The following GDF9 variants were observed in gnomAD, a reference collection of about 807,000 sequenced individuals.
GDF9 encodes the protein growth/differentiation factor 9.
A neutral mutation model predicts 33.8 loss-of-function variants in GDF9; 30 were observed. The observed-to-expected ratio is 0.89, with a 90% CI of 0.66 to 1.20. The LOEUF is 1.20. Ranked by LOEUF, GDF9 falls within the 50% of genes most tolerant of loss-of-function variation. The probability of loss-of-function intolerance (pLI) is 0.00; values close to 1 mark genes in which losing one functional copy is unlikely to be tolerated. For synonymous variants in GDF9, 205 were observed against 200.7 expected (o/e 1.02, Z -0.18); for missense variants, 556 against 543.7 (o/e 1.02, Z -0.22).
chr5:132,862,916 C>T (rs551492711), intron 1 of GDF9, among the ~76,000 whole-genome samples: 1 of 152,310 alleles, frequency 6.6e-6, no homozygotes, highest in East Asian at 1.9e-4. Context: ...GCAGCCTCAA[C>T]CTCCCAGGTG....
chr5:132,862,644 G>T, intron 1 of GDF9, 88 bp from the exon 2 acceptor site: 1 of 962,648 alleles, frequency 1.0e-6, no homozygotes, highest in Non-Finnish European at 1.6e-6. Context: ...TTCATAATAT[G>T]CTTTCTCCCT....
chr5:132,865,548 C>T lies in GDF9; in HGVS notation c.-1015G>A, dbSNP rs1306189064. 2 of 152,158 alleles carry T rather than the reference C, an allele frequency of 1.3e-5. No individual in the cohort carries two copies. The highest frequency in any genetic ancestry group is 1.9e-4 in the East Asian group (1 of 5,176). 9.4% of individuals were successfully genotyped at this position (152,158 alleles called of 1,614,324 possible). On this transcript the variant is annotated 5_prime_UTR_variant, in exon 1 of 2. Transcript: ENST00000687138. ...GAAATGAGGGGATATTCAGCGCCAC[C>T]CCGAAGGAGACTATGCTGGAAGAGT...
In GDF9 at chr5:132,864,513, G is replaced by T. The variant is rs1239409384; in HGVS notation, c.21C>A (p.Phe7Leu). 1 of 1,609,432 alleles carries T rather than the reference G, an allele frequency of 6.2e-7. No homozygotes were observed. The highest frequency in any genetic ancestry group is 1.1e-5 in the South Asian group (1 of 91,076). ...AGGCAAAGCAGCAAAACCAAAGGAG[G>T]AATTTGTTGGGACGTGCCATGGCTT... MARPNKFLLWFCCFAWL... is the reference protein window; with the variant it reads MARPNKLLLWFCCFAWL... The change falls in exon 1 of 2, where the codon TTC (phenylalanine) becomes TTA (leucine). Residue 7 changes from phenylalanine to leucine, a missense_variant. By Grantham distance (22) the Phe-to-Leu change is conservative. Coordinates refer to ENST00000687138, the MANE Select transcript of GDF9 (RefSeq NM_005260.7).
At position 132,862,170 on chromosome 5, in the gene GDF9, A is replaced by AG; in HGVS notation, c.783dup (p.Ser262LeufsTer8). ...GTGTCATTCAAATATAAGATCAGTG[A>AG]GGGGGACACCAGAGTCATGTTAAAC... On this transcript the variant is annotated frameshift_variant, in exon 2 of 2. Coordinates refer to ENST00000687138, the MANE Select transcript of GDF9 (RefSeq NM_005260.7). LOFTEE classifies it high-confidence loss of function. 1.2e-6 allele frequency: 2 copies of AG among 1,613,448 alleles called. No individual in the cohort carries two copies. Among genetic ancestry groups the AG allele is most frequent in the Non-Finnish European group, 1.7e-6 (2 of 1,179,356 alleles).
rs922115028 is a variant in GDF9 at position 132,866,191 on chromosome 5, G to A, written c.-1658C>T. The A allele has an allele frequency of 3.3e-5, 5 of 152,712 alleles. No homozygotes were observed. The highest frequency in any genetic ancestry group is 5.8e-5 in the Non-Finnish European group (4 of 68,418). The allele number at this position is 152,712 out of a possible 1,614,324, so 9.5% of individuals were successfully genotyped here. A position where few individuals can be genotyped will look rare whatever the true frequency, so the allele number is the denominator to read the frequency against. ...ACTGGCCAAGGCCAAATGAAACCTC[G>A]TGCTCCTCTGCTGTGGGGCGGCCCG... On this transcript the variant is annotated 5_prime_UTR_variant, in exon 1 of 2. In the 5' UTR this introduces an upstream ATG that the reference lacks. Transcript: ENST00000687138.
chr5:132,864,852 G>T lies in GDF9; in HGVS notation c.-319C>A. The T allele has an allele frequency of 3.2e-6, 1 of 310,812 alleles. No individual in the cohort carries two copies. The highest frequency in any genetic ancestry group is 5.9e-6 in the Non-Finnish European group (1 of 168,206). 19.3% of individuals were successfully genotyped at this position (310,812 alleles called of 1,614,324 possible). ...ACTAACTATGTAGCTGAAAGTCTAA[G>T]ATAAATTGAGGAATGATCTTAAATA... On this transcript the variant is annotated 5_prime_UTR_variant, in exon 1 of 2. Coordinates refer to ENST00000687138, the MANE Select transcript of GDF9 (RefSeq NM_005260.7).
At position 132,864,217 on chromosome 5, in the gene GDF9, T is replaced by C. The variant is rs1759449159; in HGVS notation, c.317A>G (p.Asn106Ser). 10 of 1,614,214 alleles carry C rather than the reference T, an allele frequency of 6.2e-6. No individual in the cohort carries two copies. In the East Asian group the frequency reaches 1.8e-4, roughly 29 times the overall value. The change falls in exon 1 of 2, where the codon AAT becomes AGT. Residue 106 changes from asparagine (N) to serine (S), a missense_variant. Physicochemically the swap from Asn to Ser is conservative, Grantham distance 46. Coordinates refer to ENST00000687138, the MANE Select transcript of GDF9 (RefSeq NM_005260.7). ...AACAGTGTTGTAGAGGTGACTTCTA[T>C]TGGATTTAGGAATCCCTTCCTTGGT... ...YATKEGIPKS[N>S]RSHLYNTVRL...
intron 1 of GDF9, 125 bp from the exon 2 acceptor site, chr5:132,862,681 CA>C (rs373936085): frequency 0.018 from 9,132 of 517,658 alleles, 1 homozygote; most frequent in East Asian, 0.029. Context: ...TCTCAAGCCT[CA>C]AAAAAAAAAA....
Position 132,864,559 on chromosome 5 carries a change from T to A in GDF9, c.-26A>T, listed in dbSNP as rs750417449. 2 of 1,600,226 alleles carry A rather than the reference T, an allele frequency of 1.2e-6. No homozygotes were observed. Among genetic ancestry groups the A allele is most frequent in the African/African-American group, 2.7e-5 (2 of 74,876 alleles). On this transcript the variant is annotated 5_prime_UTR_variant, in exon 1 of 2. It removes an upstream start codon present in the reference 5' UTR. Coordinates refer to ENST00000687138, the MANE Select transcript of GDF9 (RefSeq NM_005260.7). ...GGCTTGGGAGAACTAGTGAGGAACA[T>A]ATTTCTCCATGCCAGTCCTCTTCCT...
Position 132,861,435 on chromosome 5 carries a change from G to T in GDF9, c.*154C>A. 1 of 699,762 alleles carries T rather than the reference G, an allele frequency of 1.4e-6. No homozygotes were observed. The highest frequency in any genetic ancestry group is 2.5e-5 in the East Asian group (1 of 40,246). The allele number at this position is 699,762 out of a possible 1,614,324, so 43.3% of individuals were successfully genotyped here. A position where few individuals can be genotyped will look rare whatever the true frequency, so the allele number is the denominator to read the frequency against. On this transcript the variant is annotated 3_prime_UTR_variant, in exon 2 of 2. Transcript: ENST00000687138. ...TTGATGTTATCCCTTTATCCTGATA[G>T]ATGCCATAGAAGGTACTAACCTACA...
chr5:132,864,543 G>T lies in GDF9; in HGVS notation c.-10C>A. The stretch of plus-strand genomic sequence containing the variant: ...TGTTGGGACGTGCCATGGCTTGGGA[G>T]AACTAGTGAGGAACATATTTCTCCA... On this transcript the variant is annotated 5_prime_UTR_variant, in exon 1 of 2. Coordinates refer to ENST00000687138, the MANE Select transcript of GDF9 (RefSeq NM_005260.7). The T allele has an allele frequency of 6.2e-7, 1 of 1,602,892 alleles. No homozygotes were observed.
intron 1 of GDF9, among the ~76,000 whole-genome samples, chr5:132,863,860 A>T (rs974122258): frequency 2.0e-5 from 3 of 152,214 alleles, no homozygotes; most frequent in Admixed American, 6.5e-5. Flanking sequence ...GAACAGAAAG[A>T]GGTGCTAACA....
rs761691701 is a variant in GDF9 at position 132,864,105 on chromosome 5, T to G, written c.397+32A>C. On this transcript the variant is annotated intron_variant, in intron 1 of 1. Transcript: ENST00000687138. ...ATGCAGAAGTGTCTATCATCTTCCCTCCACCCAGTTAACCAATCTGCTTTC... is the reference window on the plus strand; with the variant it reads ...ATGCAGAAGTGTCTATCATCTTCCCGCCACCCAGTTAACCAATCTGCTTTC... The G allele has an allele frequency of 1.5e-5, 24 of 1,609,212 alleles. No homozygotes were observed. In the African/African-American group the frequency reaches 2.8e-4, roughly 19 times the overall value.
At position 132,862,265 on chromosome 5, in the gene GDF9, C is replaced by T. The variant is rs1021022494; in HGVS notation, c.689G>A (p.Ser230Asn). 2 of 1,613,646 alleles carry T rather than the reference C, an allele frequency of 1.2e-6. No homozygotes were observed. Among genetic ancestry groups the T allele is most frequent in the Admixed American group, 3.3e-5 (2 of 60,028 alleles). ...AGTAAAATTTATAGACATGTGAATACTTCTCTTGTTGGAGGCCACTAAAGG... is the reference window on the plus strand; with the variant it reads ...AGTAAAATTTATAGACATGTGAATATTTCTCTTGTTGGAGGCCACTAAAGG... The part of the protein sequence containing the change: ...LQPLVASNKR[S>N]IHMSINFTCM... The change falls in exon 2 of 2, where the codon AGT (serine) becomes AAT (asparagine). Residue 230 changes from serine (S) to asparagine (N), a missense_variant. By Grantham distance (46) the Ser-to-Asn change is conservative. Coordinates refer to ENST00000687138, the MANE Select transcript of GDF9 (RefSeq NM_005260.7).
chr5:132,862,373 G>A lies in GDF9; in HGVS notation c.581C>T (p.Pro194Leu), dbSNP rs1480740291. The A allele has an allele frequency of 6.2e-7, 1 of 1,613,714 alleles. No homozygotes were observed. Among genetic ancestry groups the A allele is most frequent in the African/African-American group, 1.3e-5 (1 of 74,932 alleles). Residue 194 changes from proline to leucine, a missense_variant, in exon 2 of 2, where the codon CCA becomes CTA. Pro to Leu is a moderately conservative substitution (Grantham distance 98, BLOSUM62 -3). Transcript: ENST00000687138. ...KSSSRTLGRA[P>L]YSFTFNSQFE... The stretch of plus-strand genomic sequence containing the variant: ...CTGTGAGTTAAAGGTAAATGAGTAT[G>A]GAGCTCTGCCGAGAGTCCTGCTAGA...
chr5:132,861,433 T>C lies in GDF9; in HGVS notation c.*156A>G, dbSNP rs565791851. The C allele has an allele frequency of 8.4e-4, 584 of 696,642 alleles. No individual in the cohort carries two copies. The highest frequency in any genetic ancestry group is 1.3e-3 in the Non-Finnish European group (517 of 387,888). The allele number at this position is 696,642 out of a possible 1,614,324, so 43.2% of individuals were successfully genotyped here. On this transcript the variant is annotated 3_prime_UTR_variant, in exon 2 of 2. Coordinates refer to ENST00000687138, the MANE Select transcript of GDF9 (RefSeq NM_005260.7). Reference sequence around the variant, plus strand: ...AATTGATGTTATCCCTTTATCCTGATAGATGCCATAGAAGGTACTAACCTA... The same window carrying C: ...AATTGATGTTATCCCTTTATCCTGACAGATGCCATAGAAGGTACTAACCTA...
In GDF9 at chr5:132,864,554, G is replaced by A. The variant is rs1228991300; in HGVS notation, c.-21C>T. ...GCCATGGCTTGGGAGAACTAGTGAG[G>A]AACATATTTCTCCATGCCAGTCCTC... On this transcript the variant is annotated 5_prime_UTR_variant, in exon 1 of 2. Coordinates refer to ENST00000687138, the MANE Select transcript of GDF9 (RefSeq NM_005260.7). The A allele has an allele frequency of 4.4e-6, 7 of 1,600,422 alleles. No homozygotes were observed. The highest frequency in any genetic ancestry group is 5.1e-6 in the Non-Finnish European group (6 of 1,179,190).
rs546103071 is a variant in GDF9 at position 132,865,774 on chromosome 5, G to A, written c.-1241C>T. ...CCAGCAATTCCATTAACAAAACACT[G>A]ACAAGACACCTCAGGGCGAGCTGTA... On this transcript the variant is annotated 5_prime_UTR_variant, in exon 1 of 2. Transcript: ENST00000687138. Among the ~76,000 whole-genome samples, 1 of 152,206 alleles carries A rather than the reference G, an allele frequency of 6.6e-6. No homozygotes were observed. Among genetic ancestry groups the A allele is most frequent in the East Asian group, 1.9e-4 (1 of 5,172 alleles).
rs1268143008 is a variant in GDF9 at position 132,864,675 on chromosome 5, G to A, written c.-142C>T. On this transcript the variant is annotated 5_prime_UTR_variant, in exon 1 of 2. Coordinates refer to ENST00000687138, the MANE Select transcript of GDF9 (RefSeq NM_005260.7). ...ACTTCTGTAATCAGGCCTCAAGTAT[G>A]CCTAGCTGAAGATTTTATCAGCTCT... 18 of 753,076 alleles carry A rather than the reference G, an allele frequency of 2.4e-5. No individual in the cohort carries two copies. Among genetic ancestry groups the A allele is most frequent in the Non-Finnish European group, 4.0e-5 (18 of 452,604 alleles). 46.6% of individuals were successfully genotyped at this position (753,076 alleles called of 1,614,324 possible). A position where few individuals can be genotyped will look rare whatever the true frequency, so the allele number is the denominator to read the frequency against.
Sources: gnomAD v4.1 joint callset for allele counts (sites outside exome capture counted in the v4.1 genomes callset) on GRCh38, gnomAD v4.1.1 for gene constraint, MANE v1.5 for transcripts, NCBI Gene and HGNC (gene_info 2026-07-23, HGNC 2026-07-21) for gene names.